The following USP45 variants were observed in gnomAD, a reference collection of about 807,000 sequenced individuals.
USP45 encodes ubiquitin specific peptidase 45, also known as ubiquitin carboxyl-terminal hydrolase 45.
USP45 carries 89 observed loss-of-function variants against 95.8 expected under a neutral mutation model. That is an observed-to-expected ratio of 0.93 (90% CI 0.78 to 1.11). USP45 has a LOEUF of 1.11. Ranked by LOEUF, USP45 falls within the 50% of genes least tolerant of loss-of-function variation. USP45 has a pLI of 0.00. For missense variants in USP45, 898 were observed against 942.5 expected, an observed-to-expected ratio of 0.95 and a Z score of 0.62; for synonymous variants, 281 against 316.2, an observed-to-expected ratio of 0.89 and a Z score of 1.18.
chr6:99,457,518 C>A (rs755679009), intron 13 of USP45, among the ~76,000 whole-genome samples: 1 of 152,134 alleles, frequency 6.6e-6, no homozygotes, highest in Non-Finnish European at 1.5e-5. Flanking sequence ...ATGATACATT[C>A]TATGCATGTA....
chr6:99,459,234 G>A (rs767340978), intron 13 of USP45, among the ~76,000 whole-genome samples: 4 of 152,106 alleles, frequency 2.6e-5, no homozygotes, highest in Non-Finnish European at 4.4e-5. Flanking sequence ...AGAACTTGTG[G>A]TATTTGGTTT....
At chr6:99,508,199 T>C (rs1798960654) in intron 3 of USP45, among the ~76,000 whole-genome samples, 1 of 39,596 alleles carries the variant, frequency 2.5e-5, no homozygotes, top group Admixed American at 2.3e-4. Context: ...TTTAATTTCA[T>C]TAAAAAAATT....
chr6:99,483,198 T>C (rs1320779593), intron 7 of USP45, among the ~76,000 whole-genome samples: 1 of 152,156 alleles, frequency 6.6e-6, no homozygotes, highest in Non-Finnish European at 1.5e-5. Flanking sequence ...TACTTAATGT[T>C]TGTACCACTC....
chr6:99,466,022 G>GT lies in USP45; in HGVS notation c.1107+649dup, dbSNP rs1021085728. ...CATTAAGTTATTTCTATTGGAATTA[G>GT]TTTTTTTTTTTTGAAACTGAGTCTC... On this transcript the variant is annotated intron_variant, in intron 11 of 17. Transcript: ENST00000500704. Among the ~76,000 whole-genome samples the GT allele has an allele frequency of 1.5e-3, 221 of 145,948 alleles. 2 individuals carry two copies. The highest frequency in any genetic ancestry group is 0.012 in the East Asian group (62 of 5,020).
At chr6:99,509,909 G>A (rs1036073757) in intron 2 of USP45, among the ~76,000 whole-genome samples, 3 of 152,118 alleles carry the variant, frequency 2.0e-5, no homozygotes, top group African/African-American at 4.8e-5. Flanking sequence ...CTCAAGTCCC[G>A]CAGTGGGCCC....
intron 14 of USP45, among the ~76,000 whole-genome samples, chr6:99,443,946 A>T (rs1781990459): frequency 6.6e-6 from 1 of 152,198 alleles, no homozygotes; most frequent in African/African-American, 2.4e-5. Flanking sequence ...ATTTCTGTCA[A>T]TGCCCTCCAG....
At chr6:99,438,412 G>C (rs1176662813) in intron 16 of USP45, among the ~76,000 whole-genome samples, 1 of 152,070 alleles carries the variant, frequency 6.6e-6, no homozygotes, top group Non-Finnish European at 1.5e-5. Context: ...GGAGCAAACA[G>C]GTAGAATGTC....
rs781584135 is a variant in USP45, at chr6:99,465,139, TAAAAGG to T, written c.1108-9_1108-4del. ...AATGGATCTTTCACCGTGGAGATCT[TAAAAGG>T]AAAACACATTGAAAACTTCAGTTAG... On this transcript the variant is annotated splice_region_variant and splice_polypyrimidine_tract_variant and intron_variant, in intron 11 of 17. Transcript: ENST00000500704. 20 of 1,590,936 alleles carry T rather than the reference TAAAAGG, an allele frequency of 1.3e-5. No individual in the cohort carries two copies. The Admixed American group carries it at 2.4e-4, about 19-fold the overall frequency.
chr6:99,479,009 C>CAA (rs200062815), intron 8 of USP45, among the ~76,000 whole-genome samples: 116 of 127,782 alleles, frequency 9.1e-4, no homozygotes, highest in Middle Eastern at 4.2e-3. Context: ...TCTATTGCAA[C>CAA]AACAAAAAAA....
rs180784683 is a variant in USP45, at chr6:99,466,628, G to T, written c.1107+44C>A. On this transcript the variant is annotated intron_variant, in intron 11 of 17. Transcript: ENST00000500704. Reference sequence around the variant, plus strand: ...AAAGAAAATATAATAAAAATGATGTGATTGTAATCCATTCCATGCTGAATT... The same window carrying T: ...AAAGAAAATATAATAAAAATGATGTTATTGTAATCCATTCCATGCTGAATT... 381 of 1,447,840 alleles carry T rather than the reference G, an allele frequency of 2.6e-4. 1 individual carries two copies. The African/African-American group carries it at 5.0e-3, about 19-fold the overall frequency. The allele number at this position is 1,447,840 out of a possible 1,614,324, so 89.7% of individuals were successfully genotyped here. A position where few individuals can be genotyped will look rare whatever the true frequency, so the allele number is the denominator to read the frequency against.
intron 5 of USP45, among the ~76,000 whole-genome samples, chr6:99,503,464 TG>T (rs1797838020): frequency 6.6e-6 from 1 of 152,092 alleles, no homozygotes; most frequent in Admixed American, 6.6e-5. Context: ...CCCGAGTAGC[TG>T]GGATTACAGG....
intron 5 of USP45, among the ~76,000 whole-genome samples, chr6:99,491,275 T>C (rs1275401568): frequency 7.2e-5 from 11 of 152,120 alleles, no homozygotes; most frequent in Admixed American, 6.6e-4. Context: ...CAAATGAATA[T>C]AAAAGCAAAT....
intron 13 of USP45, chr6:99,462,150 A>C: frequency 1.0e-5 from 10 of 981,938 alleles, no homozygotes; most frequent in Non-Finnish European, 1.2e-5. Context: ...TACATGAAAA[A>C]AACGTTCAAT....
Position 99,464,690 on chromosome 6 carries a change from C to T in USP45, c.1222G>A (p.Asp408Asn), listed in dbSNP as rs1787470990. ...ACATTGCCACTGTATCGATCATGAT[C>T]TGTCTCCCGTAAACTTCTATATTTA... ...MNKYRSLRET[D>N]HDRYSGNVTI... is the part of the protein sequence containing the mutation. Residue 408 changes from aspartate to asparagine, a missense_variant, in exon 13 of 18, where the codon GAT becomes AAT. Asp to Asn is a conservative substitution (Grantham distance 23). Transcript: ENST00000500704. The T allele has an allele frequency of 6.2e-7, 1 of 1,612,764 alleles. No homozygotes were observed.
chr6:99,501,752 T>C, intron 5 of USP45: 1 of 331,926 alleles, frequency 3.0e-6, no homozygotes, highest in Non-Finnish European at 5.0e-6. Flanking sequence ...TATGTATTAT[T>C]TATTTGTTAG....
At chr6:99,444,498 T>G (rs1562304021) in intron 14 of USP45, among the ~76,000 whole-genome samples, 2 of 152,178 alleles carry the variant, frequency 1.3e-5, no homozygotes, top group East Asian at 1.9e-4. Flanking sequence ...TTCCTAGAGA[T>G]AGTAAACAAC....
chr6:99,494,571 A>G (rs1398291271), intron 5 of USP45, among the ~76,000 whole-genome samples: 1 of 152,098 alleles, frequency 6.6e-6, no homozygotes, highest in Non-Finnish European at 1.5e-5. Context: ...TTACTTCAAC[A>G]CTTAGAGATC....
At chr6:99,457,824 G>A (rs1475545321) in intron 13 of USP45, among the ~76,000 whole-genome samples, 1 of 152,138 alleles carries the variant, frequency 6.6e-6, no homozygotes, top group Non-Finnish European at 1.5e-5. Context: ...ATGAGAATTC[G>A]TTTTAATAAA....
intron 4 of USP45, among the ~76,000 whole-genome samples, chr6:99,505,166 C>T (rs759572004): frequency 2.0e-5 from 3 of 152,084 alleles, no homozygotes; most frequent in African/African-American, 4.8e-5. Context: ...TTTTGCTTGG[C>T]GCTTATTTGG....
Sources: allele counts gnomAD v4.1 joint callset (sites outside exome capture counted in the v4.1 genomes callset), GRCh38; gene constraint gnomAD v4.1.1; transcripts MANE v1.5; gene names NCBI Gene and HGNC (gene_info 2026-07-23, HGNC 2026-07-21).